Variants in BMF observed in about 807,000 individuals in gnomAD.
BMF encodes Bcl2 modifying factor.
In BMF, 10 loss-of-function variants were observed where a neutral mutation model predicts 22.0. The ratio of observed to expected loss-of-function variants is 0.45; its 90% CI spans 0.28 to 0.77. The LOEUF (loss-of-function observed/expected upper bound fraction) is 0.77, where lower values mean the gene tolerates loss of function less well. Ranked by LOEUF, BMF falls within the 30% of genes least tolerant of loss-of-function variation. BMF has a pLI of 0.13. For missense variants in BMF, 206 were observed against 226.8 expected (o/e 0.91, Z 0.59); for synonymous variants, 87 against 88.1 (o/e 0.99, Z 0.07).
At position 40,105,813 on chromosome 15, in the gene BMF, G is replaced by T. The variant is rs139350823; in HGVS notation, c.274C>A (p.Pro92Thr). The change falls in exon 3 of 5, where the codon CCC becomes ACC. Residue 92 changes from proline (P) to threonine (T), a missense_variant. Pro to Thr is a conservative substitution (Grantham distance 38). Coordinates refer to ENST00000354670, the MANE Select transcript of BMF (RefSeq NM_001003940.2). ...VMLPCGVTEE[P>T]QRLFYGNAGY... The stretch of plus-strand genomic sequence containing the variant: ...CACTCACCATAAAAGAGTCGCTGGG[G>T]TTCCTCAGTCACCCCACAAGGCAGC... 8 of 1,610,326 alleles carry T rather than the reference G, an allele frequency of 5.0e-6. No homozygotes were observed. The highest frequency in any genetic ancestry group is 1.3e-5 in the African/African-American group (1 of 74,844).
rs972907898 is a variant in BMF at position 40,106,153 on chromosome 15, TC to T, written c.-5-63del. 2.7e-6 allele frequency: 4 copies of T among 1,484,562 alleles called. No individual in the cohort carries two copies. The highest frequency in any genetic ancestry group is 3.6e-6 in the Non-Finnish European group (4 of 1,111,884). The allele number at this position is 1,484,562 out of a possible 1,614,324, so 92.0% of individuals were successfully genotyped here. On this transcript the variant is annotated intron_variant, in intron 2 of 4. Transcript: ENST00000354670. The surrounding 1 kb of genome is among the most constrained non-coding windows in gnomAD (Gnocchi z 4.1). The stretch of plus-strand genomic sequence containing the variant: ...CCACCAGGGCCATACCTGGAAGGAC[TC>T]CCCTTCCCTTCTTCCTACCATACTC...
At chr15:40,104,502 G>A (rs2036544920) in intron 3 of BMF, among the ~76,000 whole-genome samples, 162 bp from the exon 4 acceptor site, 3 of 152,216 alleles carry the variant, frequency 2.0e-5, no homozygotes, top group Admixed American at 2.0e-4. Flanking sequence ...AGCTTGGACA[G>A]CCTGCTGCCC....
At chr15:40,099,635 C>T (rs567499081) in intron 4 of BMF, among the ~76,000 whole-genome samples, 1 of 152,090 alleles carries the variant, frequency 6.6e-6, no homozygotes, top group East Asian at 1.9e-4. Flanking sequence ...AAAAATTAGC[C>T]AGGCATGGTG....
Position 40,105,836 on chromosome 15 carries a change from A to G in BMF, c.251T>C (p.Leu84Pro). 1 of 1,613,512 alleles carries G rather than the reference A, an allele frequency of 6.2e-7. No homozygotes were observed. Among genetic ancestry groups the G allele is most frequent in the Non-Finnish European group, 8.5e-7 (1 of 1,179,798 alleles). ...GGGTTCCTCAGTCACCCCACAAGGC[A>G]GCATGACACCTTGGCTGGGGGAGGC... is the stretch of plus-strand genomic sequence containing the variant. ...SPASPSQGVM[L>P]PCGVTEEPQR... is the part of the protein sequence containing the mutation. Residue 84 changes from leucine to proline, a missense_variant, in exon 3 of 5, where the codon CTG becomes CCG. By Grantham distance (98) the Leu-to-Pro change is moderately conservative (BLOSUM62 -3). Coordinates refer to ENST00000354670, the MANE Select transcript of BMF (RefSeq NM_001003940.2).
rs1339373773 is a variant in BMF at position 40,089,848 on chromosome 15, G to C, written c.*1939C>G. The C allele has an allele frequency of 6.6e-6, 1 of 152,476 alleles. No individual in the cohort carries two copies. The highest frequency in any genetic ancestry group is 1.5e-5 in the Non-Finnish European group (1 of 68,040). 9.4% of individuals were successfully genotyped at this position (152,476 alleles called of 1,614,324 possible). A position where few individuals can be genotyped will look rare whatever the true frequency, so the allele number is the denominator to read the frequency against. ...CACAGGGAAGGCTGAATTTCACAAT[G>C]GTCAGTGTGTCCCAGAGCCAGTCTT... On this transcript the variant is annotated 3_prime_UTR_variant, in exon 5 of 5. Transcript: ENST00000354670.
At chr15:40,104,066 G>A in intron 4 of BMF, 114 bp downstream of exon 4, 1 of 1,408,640 alleles carries the variant, frequency 7.1e-7, no homozygotes, top group South Asian at 1.3e-5. Context: ...AAAACTCTGG[G>A]ACAATATCCT....
intron 4 of BMF, among the ~76,000 whole-genome samples, chr15:40,095,457 G>A (rs1173694519): frequency 6.6e-6 from 1 of 152,174 alleles, no homozygotes; most frequent in Non-Finnish European, 1.5e-5. Flanking sequence ...TGGAGGAGAA[G>A]GGGAAGAGAG....
intron 4 of BMF, among the ~76,000 whole-genome samples, chr15:40,103,577 C>T (rs887706210): frequency 5.3e-5 from 8 of 152,292 alleles, no homozygotes; most frequent in Non-Finnish European, 1.0e-4. Context: ...GCCGGCCAAG[C>T]GCCCGGCTGA....
In BMF at chr15:40,105,868, G is replaced by T. The variant is rs199747101; in HGVS notation, c.219C>A (p.Leu73=). The change falls in exon 3 of 5, where the codon CTC becomes CTA. Residue 73 remains leucine, a synonymous_variant. Transcript: ENST00000354670. ...CACCTTGGCTGGGGGAGGCTGGGCT[G>T]AGAGTCTGGGTAGCTTTGTCTTCCT... The part of the protein sequence containing the change: ...TSQEDKATQT[L]SPASPSQGVM... 4 of 1,614,212 alleles carry T rather than the reference G, an allele frequency of 2.5e-6. No homozygotes were observed. In the African/African-American group the frequency reaches 5.3e-5, roughly 22 times the overall value.
chr15:40,093,368 A>G (rs939977159), intron 4 of BMF, among the ~76,000 whole-genome samples: 10 of 152,186 alleles, frequency 6.6e-5, no homozygotes, highest in African/African-American at 2.4e-4. Flanking sequence ...TCCTGCCCGG[A>G]GGGGAAGGGA....
Position 40,106,859 on chromosome 15 carries a change from A to G in BMF, c.-5-768T>C, listed in dbSNP as rs2036599180. Among the ~76,000 whole-genome samples the G allele has an allele frequency of 6.6e-6, 1 of 152,186 alleles. No homozygotes were observed. Among genetic ancestry groups the G allele is most frequent in the South Asian group, 2.1e-4 (1 of 4,836 alleles). On this transcript the variant is annotated intron_variant, in intron 2 of 4. Transcript: ENST00000354670. The surrounding 1 kb of genome is among the most constrained non-coding windows in gnomAD (Gnocchi z 4.1). Reference sequence around the variant, plus strand: ...CCCACCAAAGTTTGGCCTAGAGGGTAGGTCCAGCCTCTCCCAACTAAGTCT... The same window carrying G: ...CCCACCAAAGTTTGGCCTAGAGGGTGGGTCCAGCCTCTCCCAACTAAGTCT...
intron 4 of BMF, among the ~76,000 whole-genome samples, chr15:40,092,828 TTC>T (rs2036270488): frequency 6.6e-6 from 1 of 151,790 alleles, no homozygotes; most frequent in African/African-American, 2.4e-5. Flanking sequence ...GCGGTCTTTG[TTC>T]TCTCTTTGTC....
chr15:40,103,493 G>A (rs529468488), intron 4 of BMF, among the ~76,000 whole-genome samples: 9 of 152,328 alleles, frequency 5.9e-5, no homozygotes, highest in South Asian at 4.1e-4. Flanking sequence ...GCCAGCCGCC[G>A]CCTTTGTTGA....
At chr15:40,095,095 T>C (rs1030986466) in intron 4 of BMF, among the ~76,000 whole-genome samples, 2 of 152,214 alleles carry the variant, frequency 1.3e-5, no homozygotes, top group Non-Finnish European at 2.9e-5. Flanking sequence ...TTCTGTCAGC[T>C]GAGTGTAGGG....
intron 4 of BMF, among the ~76,000 whole-genome samples, chr15:40,097,741 C>T (rs1477230595): frequency 6.6e-6 from 1 of 152,222 alleles, no homozygotes; most frequent in Non-Finnish European, 1.5e-5. Flanking sequence ...AAGGAGCAGG[C>T]TCCTCCTTCC....
intron 4 of BMF, among the ~76,000 whole-genome samples, chr15:40,096,581 C>T (rs912117352): frequency 2.0e-5 from 3 of 152,164 alleles, no homozygotes; most frequent in Non-Finnish European, 4.4e-5. Context: ...CATTTTAGAG[C>T]GACGGAAACA....
chr15:40,094,570 C>T (rs1450498956), intron 4 of BMF, among the ~76,000 whole-genome samples: 1 of 152,120 alleles, frequency 6.6e-6, no homozygotes, highest in African/African-American at 2.4e-5. Context: ...AAGGAAAATG[C>T]AGGTATTGTA....
intron 4 of BMF, among the ~76,000 whole-genome samples, chr15:40,095,567 G>C (rs2036339464): frequency 6.6e-6 from 1 of 152,172 alleles, no homozygotes; most frequent in South Asian, 2.1e-4. Flanking sequence ...CCCAGAACCA[G>C]GCCTGCCCTC....
At chr15:40,105,686 C>T (rs902325890) in intron 3 of BMF, 109 bp downstream of exon 3, 53 of 1,316,824 alleles carry the variant, frequency 4.0e-5, no homozygotes, top group African/African-American at 1.2e-4. Flanking sequence ...TCAACAGCCC[C>T]GCTGATCACT....
Sources: allele counts gnomAD v4.1 joint callset (sites outside exome capture counted in the v4.1 genomes callset), GRCh38; gene constraint gnomAD v4.1.1; non-coding constraint Gnocchi (gnomAD v3.1); transcripts MANE v1.5; gene names NCBI Gene and HGNC (gene_info 2026-07-23, HGNC 2026-07-21).